CACNA2D3: variants seen among roughly 807,000 people sequenced by gnomAD.
The protein encoded by CACNA2D3 is calcium voltage-gated channel auxiliary subunit alpha2delta 3.
Under a neutral mutation model 160.6 loss-of-function variants are expected in CACNA2D3, and 60 were observed. That is an observed-to-expected ratio of 0.37 (90% CI 0.30 to 0.46). CACNA2D3 has a LOEUF of 0.46. CACNA2D3 is among the 20% of genes least tolerant of loss of function. The probability of loss-of-function intolerance (pLI) is 1.00; values close to 1 mark genes in which losing one functional copy is unlikely to be tolerated. For missense variants in CACNA2D3, 1,205 were observed against 1,365.0 expected, an observed-to-expected ratio of 0.88 and a Z score of 1.85; for synonymous variants, 558 against 492.9, an observed-to-expected ratio of 1.13 and a Z score of -1.75.
intron 35 of CACNA2D3, among the ~76,000 whole-genome samples, chr3:55,065,774 A>T (rs1215865378): frequency 6.6e-6 from 1 of 151,988 alleles, no homozygotes; most frequent in South Asian, 2.1e-4. Context: ...AGAAAAAAAA[A>T]TTGTTTCATG....
At chr3:54,951,636 G>A (rs1164054238) in intron 27 of CACNA2D3, among the ~76,000 whole-genome samples, 3 of 151,734 alleles carry the variant, frequency 2.0e-5, no homozygotes, top group African/African-American at 7.3e-5. Flanking sequence ...AGTCAGGCGT[G>A]CAGGGCTCCA....
At position 54,414,457 on chromosome 3, in the gene CACNA2D3, T is replaced by C. The variant is rs148388822; in HGVS notation, c.381+27683T>C. Among the ~76,000 whole-genome samples the C allele has an allele frequency of 2.8e-3, 423 of 152,264 alleles. 2 individuals carry two copies. Among genetic ancestry groups the C allele is most frequent in the African/African-American group, 9.9e-3 (412 of 41,584 alleles). The stretch of plus-strand genomic sequence containing the variant: ...AGGTTTTGTTTGAACAGTCATTTTA[T>C]TTTGCAATTTAGAGGGAGAAAATAC... On this transcript the variant is annotated intron_variant, in intron 4 of 37. Transcript: ENST00000474759.
chr3:54,938,582 C>A (rs1445024759), intron 27 of CACNA2D3, among the ~76,000 whole-genome samples: 1 of 152,128 alleles, frequency 6.6e-6, no homozygotes. Context: ...GAATTTGAAT[C>A]ATGCCCTGGG....
At chr3:54,224,048 T>TC in intron 2 of CACNA2D3, among the ~76,000 whole-genome samples, 1 of 152,228 alleles carries the variant, frequency 6.6e-6, no homozygotes, top group East Asian at 1.9e-4. Flanking sequence ...TATTAAATTT[T>TC]TTTTTTACTT....
intron 32 of CACNA2D3, among the ~76,000 whole-genome samples, chr3:55,006,027 C>G (rs1703085564): frequency 1.3e-5 from 2 of 152,116 alleles, no homozygotes; most frequent in African/African-American, 4.8e-5. Flanking sequence ...TCAGAGCTGG[C>G]AAATTTGTAA....
intron 27 of CACNA2D3, among the ~76,000 whole-genome samples, chr3:54,929,972 G>C (rs1248667117): frequency 6.6e-6 from 1 of 151,986 alleles, no homozygotes; most frequent in Non-Finnish European, 1.5e-5. Context: ...TCTTTCCCTG[G>C]GGTCAGAAAC....
At chr3:54,447,870 T>A (rs1700246924) in intron 4 of CACNA2D3, among the ~76,000 whole-genome samples, 1 of 152,206 alleles carries the variant, frequency 6.6e-6, no homozygotes, top group Admixed American at 6.6e-5. Context: ...TTTGTCTTGG[T>A]AATGGATTTA....
chr3:54,488,035 A>G (rs1434245593), intron 4 of CACNA2D3, among the ~76,000 whole-genome samples: 1 of 152,230 alleles, frequency 6.6e-6, no homozygotes, highest in African/African-American at 2.4e-5. Flanking sequence ...AGCCACCCAT[A>G]CAAAGGTCTT....
intron 5 of CACNA2D3, among the ~76,000 whole-genome samples, chr3:54,515,343 C>A (rs1199918708): frequency 6.6e-6 from 1 of 152,164 alleles, no homozygotes; most frequent in African/African-American, 2.4e-5. Flanking sequence ...TTATGAGGAA[C>A]ATGTGCTGCT....
intron 11 of CACNA2D3, among the ~76,000 whole-genome samples, chr3:54,697,311 C>G (rs537855392): frequency 5.3e-5 from 8 of 152,216 alleles, no homozygotes; most frequent in South Asian, 4.2e-4. Context: ...ATTCCTGGCT[C>G]TGTTTCTGAA....
chr3:54,548,547 C>T (rs997263501), intron 5 of CACNA2D3, among the ~76,000 whole-genome samples: 1 of 152,166 alleles, frequency 6.6e-6, no homozygotes, highest in African/African-American at 2.4e-5. Flanking sequence ...GGCAGATGCT[C>T]CCATTACCAG....
intron 2 of CACNA2D3, among the ~76,000 whole-genome samples, chr3:54,300,562 C>CT (rs1278298414): frequency 6.6e-6 from 1 of 152,224 alleles, no homozygotes; most frequent in Middle Eastern, 3.2e-3. Context: ...TCATTCATGC[C>CT]TTTTCTCCCT....
chr3:54,206,884 G>C (rs1334756946), intron 2 of CACNA2D3, among the ~76,000 whole-genome samples: 4 of 152,120 alleles, frequency 2.6e-5, no homozygotes, highest in Non-Finnish European at 5.9e-5. Context: ...TTATTTCTTG[G>C]TCATGACTAT....
intron 2 of CACNA2D3, among the ~76,000 whole-genome samples, chr3:54,226,094 T>G (rs1441250306): frequency 6.6e-6 from 1 of 152,048 alleles, no homozygotes; most frequent in African/African-American, 2.4e-5. Context: ...TTTCTCAATG[T>G]CATTGGCACT....
Position 54,563,960 on chromosome 3 carries a change from G to A in CACNA2D3, c.676+1029G>A, listed in dbSNP as rs74997039. ...CAGCATGGCACACGTGCTTCCTCCCGGAGCTCACAGAAATGTAAACAATAA... is the reference window on the plus strand; with the variant it reads ...CAGCATGGCACACGTGCTTCCTCCCAGAGCTCACAGAAATGTAAACAATAA... On this transcript the variant is annotated intron_variant, in intron 6 of 37. Transcript: ENST00000474759. 7.4e-3 allele frequency among the ~76,000 whole-genome samples: 1,130 copies of A among 152,166 alleles called. 18 individuals carry two copies. The highest frequency in any genetic ancestry group is 0.026 in the African/African-American group (1,073 of 41,506).
chr3:54,597,185 A>C (rs1702970892), intron 9 of CACNA2D3, among the ~76,000 whole-genome samples: 1 of 152,126 alleles, frequency 6.6e-6, no homozygotes, highest in African/African-American at 2.4e-5. Context: ...GCCTTCTTTC[A>C]TTAGGAGGAG....
chr3:55,002,467 A>G (rs1703004746), intron 31 of CACNA2D3, among the ~76,000 whole-genome samples: 1 of 152,186 alleles, frequency 6.6e-6, no homozygotes, highest in African/African-American at 2.4e-5. Flanking sequence ...AGAGTTGTCC[A>G]TTGTGGTCTG....
chr3:54,864,654 G>T (rs532516178), intron 17 of CACNA2D3, among the ~76,000 whole-genome samples: 1 of 152,322 alleles, frequency 6.6e-6, no homozygotes, highest in African/African-American at 2.4e-5. Flanking sequence ...TGGTAACAGA[G>T]ACAAGACCGG....
chr3:54,757,954 G>T (rs537600570), intron 12 of CACNA2D3, among the ~76,000 whole-genome samples: 67 of 152,292 alleles, frequency 4.4e-4, no homozygotes, highest in African/African-American at 1.5e-3. Context: ...GATTCATAGA[G>T]AACTCTTACA....
Sources: allele counts gnomAD v4.1 joint callset (sites outside exome capture counted in the v4.1 genomes callset), GRCh38; gene constraint gnomAD v4.1.1; transcripts MANE v1.5; gene names NCBI Gene and HGNC (gene_info 2026-07-23, HGNC 2026-07-21).